The following FSTL5 variants were observed in gnomAD, a reference collection of about 807,000 sequenced individuals.
FSTL5 encodes the protein follistatin like 5.
Under a neutral mutation model 89.1 loss-of-function variants are expected in FSTL5, and 62 were observed. The ratio of observed to expected loss-of-function variants is 0.70; its 90% CI spans 0.57 to 0.86. The LOEUF (loss-of-function observed/expected upper bound fraction) is 0.86, where lower values mean the gene tolerates loss of function less well. Among genes scored for constraint, FSTL5 ranks in the 40% least tolerant of loss-of-function variants. FSTL5 has a pLI of 0.00. For synonymous variants in FSTL5, 383 were observed against 346.2 expected (o/e 1.11, Z -1.18); for missense variants, 1,057 against 1,001.6 (o/e 1.06, Z -0.75).
At chr4:161,659,482 C>T (rs1736634286) in intron 6 of FSTL5, among the ~76,000 whole-genome samples, 1 of 152,114 alleles carries the variant, frequency 6.6e-6, no homozygotes, top group Non-Finnish European at 1.5e-5. Context: ...CAGATTAGCA[C>T]AGATTTAATA....
rs1359007516 is a variant in FSTL5 at position 161,842,301 on chromosome 4, T to C, written c.410-66227A>G. ...TCTATGCAGTTCATTTTTACAGTTA[T>C]AGCAAACTAACTATGAGACTAAGAG... On this transcript the variant is annotated intron_variant, in intron 4 of 15. Coordinates refer to ENST00000306100, the MANE Select transcript of FSTL5 (RefSeq NM_020116.5). Among the ~76,000 whole-genome samples the C allele has an allele frequency of 2.0e-5, 3 of 152,128 alleles. No individual in the cohort carries two copies. The East Asian group carries it at 5.8e-4, about 29-fold the overall frequency.
chr4:162,135,387 G>T (rs1561038402), intron 1 of FSTL5, among the ~76,000 whole-genome samples: 1 of 151,828 alleles, frequency 6.6e-6, no homozygotes, highest in East Asian at 1.9e-4. Flanking sequence ...TAAAATACAT[G>T]TGAGAAAAAT....
At chr4:161,677,683 C>T (rs1388888481) in intron 6 of FSTL5, among the ~76,000 whole-genome samples, 2 of 151,948 alleles carry the variant, frequency 1.3e-5, no homozygotes, top group Non-Finnish European at 2.9e-5. Context: ...TTACAGTTTG[C>T]ACTTTAGTTT....
intron 3 of FSTL5, among the ~76,000 whole-genome samples, chr4:161,934,876 C>A (rs887590163): frequency 2.6e-5 from 4 of 151,954 alleles, no homozygotes; most frequent in African/African-American, 9.7e-5. Context: ...AAGAAGTAGG[C>A]AATCTGCAAA....
intron 10 of FSTL5, among the ~76,000 whole-genome samples, chr4:161,516,151 T>C (rs934274955): frequency 1.3e-5 from 2 of 148,796 alleles, no homozygotes; most frequent in African/African-American, 4.9e-5. Flanking sequence ...TTTGGTTACC[T>C]GTGATATTGA....
chr4:161,464,225 G>C lies in FSTL5; in HGVS notation c.1609-4906C>G, dbSNP rs77877115. Among the ~76,000 whole-genome samples the C allele has an allele frequency of 1.4e-4, 22 of 152,170 alleles. No homozygotes were observed. In the East Asian group the frequency reaches 3.1e-3, roughly 21 times the overall value. On this transcript the variant is annotated intron_variant, in intron 13 of 15. Coordinates refer to ENST00000306100, the MANE Select transcript of FSTL5 (RefSeq NM_020116.5). ...CCCAGTCTTCTCTAGCCTTGTCGCC[G>C]ACTACACTTTCCTTGATGTCTCTGA...
At chr4:161,886,367 T>G (rs1340451724) in intron 4 of FSTL5, among the ~76,000 whole-genome samples, 2 of 152,218 alleles carry the variant, frequency 1.3e-5, no homozygotes, top group African/African-American at 4.8e-5. Flanking sequence ...AATAAACTGT[T>G]ACATAACATC....
chr4:161,398,495 A>G (rs1265874825), intron 15 of FSTL5, among the ~76,000 whole-genome samples: 2 of 152,092 alleles, frequency 1.3e-5, no homozygotes, highest in African/African-American at 4.8e-5. Context: ...CCTAAAGAGA[A>G]AGAGCTATGA....
intron 4 of FSTL5, among the ~76,000 whole-genome samples, chr4:161,833,275 T>A (rs1370070622): frequency 6.6e-6 from 1 of 152,156 alleles, no homozygotes; most frequent in Non-Finnish European, 1.5e-5. Flanking sequence ...ATCTTTTATA[T>A]TTGCTGAGGA....
chr4:162,154,887 A>G (rs971158700), intron 1 of FSTL5, among the ~76,000 whole-genome samples: 4 of 152,160 alleles, frequency 2.6e-5, no homozygotes, highest in Non-Finnish European at 5.9e-5. Flanking sequence ...AGCCTACGAC[A>G]TATTAACGAA....
In FSTL5 at chr4:161,664,088, C is replaced by T. The variant is rs139987721; in HGVS notation, c.728-7594G>A. 6.0e-3 allele frequency among the ~76,000 whole-genome samples: 914 copies of T among 152,336 alleles called. 9 individuals are homozygous for T. The highest frequency in any genetic ancestry group is 0.045 in the South Asian group (218 of 4,830). Reference sequence around the variant, plus strand: ...CCCAGGGCCTGGCACAGGAAACCACCTGTTCCTCCTGGGCCTCTGGCCCTG... The same window carrying T: ...CCCAGGGCCTGGCACAGGAAACCACTTGTTCCTCCTGGGCCTCTGGCCCTG... On this transcript the variant is annotated intron_variant, in intron 6 of 15. Transcript: ENST00000306100.
chr4:162,033,686 A>C, intron 2 of FSTL5, 28 bp from the exon 3 acceptor site: 1 of 1,315,500 alleles, frequency 7.6e-7, no homozygotes, highest in Non-Finnish European at 1.1e-6. Flanking sequence ...AATAGGTCAA[A>C]ATATGTAAGT....
intron 3 of FSTL5, among the ~76,000 whole-genome samples, chr4:161,971,175 A>G (rs900534295): frequency 1.3e-5 from 2 of 152,140 alleles, no homozygotes; most frequent in Admixed American, 1.3e-4. Flanking sequence ...ATTTCATGAG[A>G]TCAATGGAGG....
chr4:162,053,424 G>T (rs1291415625), intron 2 of FSTL5, among the ~76,000 whole-genome samples: 2 of 151,694 alleles, frequency 1.3e-5, no homozygotes, highest in Non-Finnish European at 3.0e-5. Context: ...GAGAATCTGT[G>T]TCCTAGACTC....
chr4:161,568,691 C>G (rs1397017038), intron 8 of FSTL5, among the ~76,000 whole-genome samples: 3 of 152,038 alleles, frequency 2.0e-5, no homozygotes, highest in Non-Finnish European at 4.4e-5. Context: ...AAAATCAAGG[C>G]TAAGGCAGAG....
chr4:161,492,613 C>T (rs1729920112), intron 12 of FSTL5, among the ~76,000 whole-genome samples: 1 of 152,016 alleles, frequency 6.6e-6, no homozygotes, highest in Non-Finnish European at 1.5e-5. Flanking sequence ...GAAATATTGA[C>T]TCTGCCACTA....
intron 4 of FSTL5, among the ~76,000 whole-genome samples, chr4:161,877,463 T>G (rs1330187613): frequency 6.6e-6 from 1 of 151,638 alleles, no homozygotes; most frequent in African/African-American, 2.4e-5. Flanking sequence ...ATATTTTAAC[T>G]ATTCCTATAA....
At chr4:162,032,149 T>C (rs1226566241) in intron 3 of FSTL5, among the ~76,000 whole-genome samples, 1 of 152,138 alleles carries the variant, frequency 6.6e-6, no homozygotes, top group Non-Finnish European at 1.5e-5. Flanking sequence ...CAATAAAGTA[T>C]CAAGTAGAAA....
chr4:161,864,198 T>C (rs188186690), intron 4 of FSTL5, among the ~76,000 whole-genome samples: 1 of 152,286 alleles, frequency 6.6e-6, no homozygotes, highest in Non-Finnish European at 1.5e-5. Context: ...CAAAATGATG[T>C]TATGAAGGAA....
Sources: allele counts gnomAD v4.1 joint callset (sites outside exome capture counted in the v4.1 genomes callset), GRCh38; gene constraint gnomAD v4.1.1; transcripts MANE v1.5; gene names NCBI Gene and HGNC (gene_info 2026-07-23, HGNC 2026-07-21).